Variants in HMCN2 observed in about 807,000 individuals in gnomAD.
HMCN2 encodes hemicentin 2.
In HMCN2, 325 loss-of-function variants were observed where a neutral mutation model predicts 377.5. The observed-to-expected ratio is 0.86, with a 90% CI of 0.79 to 0.94. HMCN2 has a LOEUF of 0.94. Among genes scored for constraint, HMCN2 ranks in the 40% least tolerant of loss-of-function variants. The probability of loss-of-function intolerance (pLI) is 0.00; values close to 1 mark genes in which losing one functional copy is unlikely to be tolerated. For synonymous variants in HMCN2, 2,007 were observed against 2,046.8 expected (o/e 0.98, Z 0.53); for missense variants, 4,543 against 4,725.3 (o/e 0.96, Z 1.13).
At position 130,302,985 on chromosome 9, in the gene HMCN2, G is replaced by A. The variant is rs1361890855; in HGVS notation, c.1405G>A (p.Glu469Lys). The change falls in exon 9 of 98, where the codon GAA becomes AAA. Residue 469 changes from glutamate to lysine, a missense_variant. By Grantham distance (56) the Glu-to-Lys change is moderately conservative. Transcript: ENST00000683500. ...QLRRGEARLG[E>K]ERHFQESGNS... ...GCGGCGAGGTGAAGCCAGGCTGGGC[G>A]AAGAGAGGCACTTTCAGTGAGTGGC... 8.5e-6 allele frequency: 4 copies of A among 469,990 alleles called. No homozygotes were observed. Among genetic ancestry groups the A allele is most frequent in the East Asian group, 6.9e-5 (1 of 14,400 alleles). The allele number at this position is 469,990 out of a possible 1,614,324, so 29.1% of individuals were successfully genotyped here.
intron 94 of HMCN2, 53 bp from the exon 95 acceptor site, chr9:130,430,231 C>G: frequency 7.1e-7 from 1 of 1,409,270 alleles, no homozygotes; most frequent in Non-Finnish European, 9.5e-7. Flanking sequence ...TGGCTGCAGG[C>G]TGCAGGGGAA....
intron 95 of HMCN2, chr9:130,430,846 C>T (rs1469027900): frequency 1.9e-6 from 1 of 537,272 alleles, no homozygotes; most frequent in East Asian, 3.1e-5. Flanking sequence ...CTTCAGGACA[C>T]TTTGCCCAGA....
Position 130,434,100 on chromosome 9 carries a change from A to C in HMCN2, c.*407A>C. The stretch of plus-strand genomic sequence containing the variant: ...GTGTCATTCTGAACCCTGTTGCAAT[A>C]TAAAGGGATTTTTTTTTAACCAACT... On this transcript the variant is annotated 3_prime_UTR_variant, in exon 98 of 98. Coordinates refer to ENST00000683500, the MANE Select transcript of HMCN2 (RefSeq NM_001291815.2). 5.7e-6 allele frequency: 1 copy of C among 175,548 alleles called. No homozygotes were observed. Among genetic ancestry groups the C allele is most frequent in the Non-Finnish European group, 1.2e-5 (1 of 84,242 alleles). 10.9% of individuals were successfully genotyped at this position (175,548 alleles called of 1,614,324 possible). A position where few individuals can be genotyped will look rare whatever the true frequency, so the allele number is the denominator to read the frequency against.
In HMCN2 at chr9:130,375,999, G is replaced by A; in HGVS notation, c.7918+10G>A. The A allele has an allele frequency of 2.7e-5, 27 of 983,008 alleles. No individual in the cohort carries two copies. The highest frequency in any genetic ancestry group is 3.3e-5 in the Non-Finnish European group (27 of 827,454). The allele number at this position is 983,008 out of a possible 1,614,324, so 60.9% of individuals were successfully genotyped here. On this transcript the variant is annotated intron_variant, in intron 51 of 97. Transcript: ENST00000683500. ...CATGTGGAAGTGCTCAGTGAGTCGG[G>A]GACCCTGGGGCACAGCCGGGTGGGC...
chr9:130,417,227 A>G (rs1843741779), intron 85 of HMCN2, among the ~76,000 whole-genome samples: 1 of 152,112 alleles, frequency 6.6e-6, no homozygotes, highest in Non-Finnish European at 1.5e-5. Context: ...GTATTGTTAT[A>G]AAAGAGAGCC....
At chr9:130,295,862 T>C in intron 6 of HMCN2, 90 bp downstream of exon 6, 1 of 426,822 alleles carries the variant, frequency 2.3e-6, no homozygotes, top group Non-Finnish European at 4.9e-6. Context: ...GCCTGTGGCC[T>C]CGGGAAGCTG....
intron 76 of HMCN2, 184 bp from the exon 77 acceptor site, chr9:130,400,599 A>T (rs1358612113): frequency 4.3e-6 from 1 of 233,870 alleles, no homozygotes; most frequent in Non-Finnish European, 8.4e-6. Flanking sequence ...AAGAAAAAAA[A>T]CTATAGCCCC....
At chr9:130,425,951 C>A in intron 90 of HMCN2, 27 bp downstream of exon 90, 1 of 1,501,090 alleles carries the variant, frequency 6.7e-7, no homozygotes, top group Non-Finnish European at 9.0e-7. Context: ...TTGTTCCACC[C>A]CCACTGCCCC....
At chr9:130,283,847 G>A (rs782756637) in intron 1 of HMCN2, among the ~76,000 whole-genome samples, 72 of 152,160 alleles carry the variant, frequency 4.7e-4, no homozygotes, top group Admixed American at 4.6e-4. Context: ...TCCAGTGTTG[G>A]ACTATTGTGA....
chr9:130,342,012 A>AAATAAAT (rs1554947858), intron 24 of HMCN2, among the ~76,000 whole-genome samples: 1 of 130,690 alleles, frequency 7.7e-6, no homozygotes, highest in East Asian at 2.3e-4. Context: ...CCCATCTCTT[A>AAATAAAT]AAATAAATAA....
chr9:130,410,977 A>G (rs1295285203), intron 85 of HMCN2, among the ~76,000 whole-genome samples: 1 of 152,162 alleles, frequency 6.6e-6, no homozygotes, highest in Non-Finnish European at 1.5e-5. Context: ...TCAGAATAAC[A>G]CTGTGAAGTT....
chr9:130,350,378 C>CAAAAAAAAAAAAAAAAAAAA (rs1448443171), intron 29 of HMCN2, among the ~76,000 whole-genome samples: 1 of 74,724 alleles, frequency 1.3e-5, no homozygotes. Context: ...GCTAAAAATA[C>CAAAAAAAAAAAAAAAAAAAA]AAAAAAATAC....
In HMCN2 at chr9:130,428,644, C is replaced by T. The variant is rs1441617932; in HGVS notation, c.14197+155C>T. Among the ~76,000 whole-genome samples the T allele has an allele frequency of 2.0e-5, 3 of 152,200 alleles. No homozygotes were observed. Among genetic ancestry groups the T allele is most frequent in the Non-Finnish European group, 4.4e-5 (3 of 68,024 alleles). ...AGTACAGCAAGGCTGGGGACAAAGC[C>T]TGCGCCAGGCTCTGGAGGTCTGAGC... is the stretch of plus-strand genomic sequence containing the variant. On this transcript the variant is annotated intron_variant, in intron 93 of 97. Transcript: ENST00000683500. The surrounding 1 kb of genome is among the most constrained non-coding windows in gnomAD (Gnocchi z 5.0).
intron 1 of HMCN2, among the ~76,000 whole-genome samples, chr9:130,266,461 C>T (rs1407338504): frequency 6.6e-6 from 1 of 152,266 alleles, no homozygotes; most frequent in Non-Finnish European, 1.5e-5. Flanking sequence ...TGAGGATGGC[C>T]TCCCAGACTT....
chr9:130,353,471 C>A (rs1839842521), intron 31 of HMCN2, among the ~76,000 whole-genome samples: 1 of 152,060 alleles, frequency 6.6e-6, no homozygotes, highest in African/African-American at 2.4e-5. Flanking sequence ...GGTCTCCCCT[C>A]ATGGTGTGGG....
intron 45 of HMCN2, among the ~76,000 whole-genome samples, chr9:130,370,184 G>A (rs956722858): frequency 6.6e-6 from 1 of 152,138 alleles, no homozygotes; most frequent in African/African-American, 2.4e-5. Flanking sequence ...GAGAATTCAG[G>A]GGCTTGTGAG....
intron 75 of HMCN2, among the ~76,000 whole-genome samples, chr9:130,399,289 A>G (rs1012082578): frequency 5.9e-5 from 9 of 152,038 alleles, no homozygotes; most frequent in Admixed American, 3.3e-4. Context: ...ATTTTTAAAA[A>G]TTGGAAAACC....
chr9:130,280,712 G>A (rs1349307937), intron 1 of HMCN2, among the ~76,000 whole-genome samples: 1 of 152,210 alleles, frequency 6.6e-6, no homozygotes, highest in East Asian at 1.9e-4. Flanking sequence ...GCTTAAAATA[G>A]TATGTATTTT....
chr9:130,266,180 G>A, intron 1 of HMCN2, 43 bp downstream of exon 1: 1 of 444,006 alleles, frequency 2.3e-6, no homozygotes, highest in South Asian at 1.6e-5. Flanking sequence ...CCCCTTCGAG[G>A]TGCTCTCACC....
Sources: gnomAD v4.1 joint callset for allele counts (sites outside exome capture counted in the v4.1 genomes callset) on GRCh38, gnomAD v4.1.1 for gene constraint, Gnocchi (gnomAD v3.1) non-coding constraint, MANE v1.5 for transcripts, NCBI Gene and HGNC (gene_info 2026-07-23, HGNC 2026-07-21) for gene names.